ACTR3C: variants seen among roughly 807,000 people sequenced by gnomAD.
ACTR3C encodes the protein actin related protein 3C, also known as actin-related protein 3C.
In ACTR3C, 18 loss-of-function variants were observed where a neutral mutation model predicts 26.3. That is an observed-to-expected ratio of 0.68 (90% CI 0.47 to 1.01). The LOEUF (loss-of-function observed/expected upper bound fraction) is 1.01, where lower values mean the gene tolerates loss of function less well. Ranked by LOEUF, ACTR3C falls within the 50% of genes least tolerant of loss-of-function variation. The pLI is 0.00. For synonymous variants in ACTR3C, 55 were observed against 94.5 expected, an observed-to-expected ratio of 0.58 and a Z score of 2.42; for missense variants, 184 against 250.7, an observed-to-expected ratio of 0.73 and a Z score of 1.80.
chr7:149,966,772 C>G, the ACTR3C span, among the ~76,000 whole-genome samples: 1 of 152,322 alleles, frequency 6.6e-6, no homozygotes, highest in South Asian at 2.1e-4. Context: ...TGATGTCACA[C>G]ACCCCTCACT....
chr7:150,316,363 T>C (rs918885369), intron 1 of ACTR3C, among the ~76,000 whole-genome samples: 2 of 152,222 alleles, frequency 1.3e-5, no homozygotes, highest in African/African-American at 4.8e-5. Context: ...GTAGTAGCTT[T>C]AAATATATGT....
chr7:150,142,212 C>T, the ACTR3C span, among the ~76,000 whole-genome samples: 1 of 152,196 alleles, frequency 6.6e-6, no homozygotes, highest in Admixed American at 6.5e-5. Flanking sequence ...CTGGCTCACC[C>T]ACCTAGTTCG....
chr7:150,026,319 A>T, the ACTR3C span, among the ~76,000 whole-genome samples: 2 of 152,080 alleles, frequency 1.3e-5, no homozygotes. Context: ...GCATGCATGC[A>T]CATACATGAT....
the ACTR3C span, among the ~76,000 whole-genome samples, chr7:150,110,964 G>A: frequency 4.0e-5 from 6 of 150,906 alleles, no homozygotes; most frequent in East Asian, 1.2e-3. Flanking sequence ...CATCTTGCAG[G>A]TGGGCAGAGC....
the ACTR3C span, among the ~76,000 whole-genome samples, chr7:150,161,963 T>C: frequency 6.6e-6 from 1 of 152,130 alleles, no homozygotes; most frequent in Non-Finnish European, 1.5e-5. Flanking sequence ...ATCAGTCATA[T>C]ACTATATTTT....
chr7:150,069,799 G>C, the ACTR3C span, among the ~76,000 whole-genome samples: 7 of 150,272 alleles, frequency 4.7e-5, no homozygotes, highest in Admixed American at 3.9e-4. Flanking sequence ...AAATATGTCA[G>C]GCTGGCACGC....
the ACTR3C span, among the ~76,000 whole-genome samples, chr7:150,205,203 G>T: frequency 6.6e-6 from 1 of 152,138 alleles, no homozygotes; most frequent in Non-Finnish European, 1.5e-5. Context: ...AAAGAATAAG[G>T]CTGTTTTATG....
the ACTR3C span, among the ~76,000 whole-genome samples, chr7:149,916,182 GATA>G: frequency 1.0e-5 from 1 of 95,350 alleles, no homozygotes; most frequent in African/African-American, 3.1e-5. Context: ...GCCATTTTTG[GATA>G]ATATTTCCTA....
At chr7:150,020,513 A>G in the ACTR3C span, among the ~76,000 whole-genome samples, 1 of 152,032 alleles carries the variant, frequency 6.6e-6, no homozygotes, top group African/African-American at 2.4e-5. Flanking sequence ...GTCAGGTGGT[A>G]GGATCCCAGG....
At chr7:149,995,253 G>T in the ACTR3C span, among the ~76,000 whole-genome samples, 3 of 152,182 alleles carry the variant, frequency 2.0e-5, no homozygotes, top group Non-Finnish European at 2.9e-5. Context: ...ATTAAACATT[G>T]CTGATCACCC....
At chr7:150,238,232 A>G in the ACTR3C span, among the ~76,000 whole-genome samples, 1 of 139,318 alleles carries the variant, frequency 7.2e-6, no homozygotes, top group Non-Finnish European at 1.5e-5. Flanking sequence ...ATGAAGAGAA[A>G]TTAGTTTATC....
the ACTR3C span, among the ~76,000 whole-genome samples, chr7:149,955,123 G>A: frequency 2.0e-5 from 3 of 152,178 alleles, no homozygotes; most frequent in African/African-American, 7.2e-5. Context: ...TAAAGTATAA[G>A]TCATTTACTT....
the ACTR3C span, among the ~76,000 whole-genome samples, chr7:150,037,141 T>G: frequency 1.3e-4 from 7 of 55,426 alleles, 3 homozygotes; most frequent in African/African-American, 2.0e-4. Flanking sequence ...AGTCCCTGCC[T>G]CGTGGGGGGT....
At chr7:150,099,764 C>T in the ACTR3C span, among the ~76,000 whole-genome samples, 1 of 151,406 alleles carries the variant, frequency 6.6e-6, no homozygotes, top group Non-Finnish European at 1.5e-5. Context: ...TGGGTCTGGG[C>T]CCGGGCGGCA....
chr7:150,067,541 A>G, the ACTR3C span, among the ~76,000 whole-genome samples: 2 of 152,188 alleles, frequency 1.3e-5, no homozygotes, highest in African/African-American at 4.8e-5. Flanking sequence ...CTCAGATTCT[A>G]TCACTTGTGG....
chr7:150,180,234 G>A, the ACTR3C span, among the ~76,000 whole-genome samples: 28 of 150,026 alleles, frequency 1.9e-4, no homozygotes, highest in South Asian at 1.9e-3. Context: ...GAACCCGGGA[G>A]GCGGAGCTTG....
chr7:150,185,281 G>GTT, the ACTR3C span, among the ~76,000 whole-genome samples: 1 of 95,024 alleles, frequency 1.1e-5, no homozygotes, highest in Non-Finnish European at 1.9e-5. Context: ...TCAGGCGTGT[G>GTT]TGTGTGTGTG....
chr7:150,101,877 A>G, the ACTR3C span, among the ~76,000 whole-genome samples: 97 of 151,864 alleles, frequency 6.4e-4, 4 homozygotes, highest in Middle Eastern at 3.4e-3. Flanking sequence ...CATTCTTCAT[A>G]GACTCATGTC....
intron 4 of ACTR3C, among the ~76,000 whole-genome samples, chr7:150,287,248 TCAGAAAAC>T (rs1835856792): frequency 1.3e-5 from 2 of 151,348 alleles, no homozygotes; most frequent in Non-Finnish European, 2.9e-5. Flanking sequence ...TAGCTGGGAG[TCAGAAAAC>T]AATAAGCAAC....
Sources: gnomAD v4.1 joint callset for allele counts (sites outside exome capture counted in the v4.1 genomes callset) on GRCh38, gnomAD v4.1.1 for gene constraint, MANE v1.5 for transcripts, NCBI Gene and HGNC (gene_info 2026-07-23, HGNC 2026-07-21) for gene names.